The following WASHC2A variants were observed in gnomAD, a reference collection of about 807,000 sequenced individuals.
WASHC2A encodes the protein WASH complex subunit FAM21A.
Under a neutral mutation model 140.3 loss-of-function variants are expected in WASHC2A, and 82 were observed. The ratio of observed to expected loss-of-function variants is 0.58; its 90% confidence interval spans 0.49 to 0.70. WASHC2A has a LOEUF of 0.70. WASHC2A is among the 30% of genes least tolerant of loss of function. The pLI, the probability that WASHC2A is intolerant of heterozygous loss-of-function variation, is 0.00. For synonymous variants in WASHC2A, 340 were observed against 560.8 expected (o/e 0.61, Z 5.56); for missense variants, 985 against 1,521.8 (o/e 0.65, Z 5.87).
chr10:50,068,142 C>G lies in WASHC2A; in HGVS notation c.41C>G (p.Ala14Gly). The change falls in exon 2 of 31, where the codon GCG (alanine) becomes GGG (glycine). Residue 14 changes from alanine to glycine, a missense_variant. Coordinates refer to ENST00000282633, the MANE Select transcript of WASHC2A (RefSeq NM_001005751.3). ...RTTPDQELAP[A>G]SEPVWERPWS... ...ACCCCCGACCAGGAGCTGGCGCCAG[C>G]GTCGGAGCCCGTGTGGGAGCGGCCG... 4 of 1,601,536 alleles carry G rather than the reference C, an allele frequency of 2.5e-6. No homozygotes were observed. The highest frequency in any genetic ancestry group is 3.4e-6 in the Non-Finnish European group (4 of 1,174,640).
chr10:50,070,364 A>G (rs1182929715), intron 3 of WASHC2A, among the ~76,000 whole-genome samples: 2 of 152,220 alleles, frequency 1.3e-5, no homozygotes, highest in East Asian at 1.9e-4. Context: ...TTAAGAGATG[A>G]GGATGGAGAG....
chr10:50,093,387 G>T lies in WASHC2A; in HGVS notation c.1122+1G>T. The T allele has an allele frequency of 1.4e-6, 2 of 1,408,596 alleles. No individual in the cohort carries two copies. Among genetic ancestry groups the T allele is most frequent in the African/African-American group, 2.9e-5 (2 of 70,064 alleles). 87.3% of individuals were successfully genotyped at this position (1,408,596 alleles called of 1,614,324 possible). ...GCTCTTTGATGATGAGGACGAGGAG[G>T]TGAGTCCATGGCACCCAGCAACACT... On this transcript the variant is annotated splice_donor_variant, in intron 12 of 30. Transcript: ENST00000282633. LOFTEE classifies it high-confidence loss of function.
At chr10:50,090,089 A>C (rs1839741355) in intron 8 of WASHC2A, among the ~76,000 whole-genome samples, 1 of 150,974 alleles carries the variant, frequency 6.6e-6, no homozygotes, top group African/African-American at 2.4e-5. Flanking sequence ...CAGCCTGGGC[A>C]AAAAGAGCGA....
At chr10:50,088,617 G>A (rs1165758950) in intron 8 of WASHC2A, among the ~76,000 whole-genome samples, 1 of 134,492 alleles carries the variant, frequency 7.4e-6, no homozygotes, top group Non-Finnish European at 1.6e-5. Flanking sequence ...AGAATGAGGT[G>A]GTATAGAGTT....
chr10:50,075,189 C>T (rs551295919), intron 3 of WASHC2A, among the ~76,000 whole-genome samples: 9 of 151,256 alleles, frequency 6.0e-5, no homozygotes, highest in Non-Finnish European at 1.3e-4. Context: ...TAATAATCTT[C>T]TAATATTAAA....
At chr10:50,088,502 C>G (rs1355237669) in intron 8 of WASHC2A, among the ~76,000 whole-genome samples, 1 of 152,052 alleles carries the variant, frequency 6.6e-6, no homozygotes, top group Non-Finnish European at 1.5e-5. Flanking sequence ...TCAGGCAAAC[C>G]GCCCACTTCG....
At chr10:50,077,109 T>C (rs868955300) in intron 3 of WASHC2A, among the ~76,000 whole-genome samples, 8 of 140,868 alleles carry the variant, frequency 5.7e-5, no homozygotes, top group Admixed American at 1.4e-4. Flanking sequence ...AGAGTGAGAC[T>C]CCATCTCAAA....
At chr10:50,130,722 T>A (rs1317297277) in intron 29 of WASHC2A, among the ~76,000 whole-genome samples, 179 bp from the exon 30 acceptor site, 2 of 152,014 alleles carry the variant, frequency 1.3e-5, no homozygotes, top group Non-Finnish European at 2.9e-5. Flanking sequence ...TGAGCCGGGG[T>A]GAGATGGGCG....
At chr10:50,124,989 A>G (rs1843311484) in intron 23 of WASHC2A, 124 bp from the exon 24 acceptor site, 7 of 1,270,456 alleles carry the variant, frequency 5.5e-6, no homozygotes, top group East Asian at 2.5e-5. Flanking sequence ...GGCTGTGGCC[A>G]GCCTTTTGCT....
chr10:50,076,221 G>A (rs112137267), intron 3 of WASHC2A, among the ~76,000 whole-genome samples: 3,117 of 145,032 alleles, frequency 0.021, 1 homozygote, highest in African/African-American at 0.039. Flanking sequence ...GATTACAGGC[G>A]TGAGCCTCCT....
intron 16 of WASHC2A, 89 bp from the exon 17 acceptor site, chr10:50,099,889 A>T: frequency 8.8e-7 from 1 of 1,141,484 alleles, no homozygotes; most frequent in South Asian, 1.5e-5. Flanking sequence ...TGATTGAGTA[A>T]ACCCTCTTTT....
chr10:50,082,650 G>C (rs1413198714), intron 5 of WASHC2A, among the ~76,000 whole-genome samples: 1 of 149,840 alleles, frequency 6.7e-6, no homozygotes, highest in African/African-American at 2.4e-5. Flanking sequence ...GCTAATTTTT[G>C]TATTTTTTAG....
In WASHC2A at chr10:50,110,216, C is replaced by A; in HGVS notation, c.1985C>A (p.Thr662Asn). 2.5e-6 allele frequency: 4 copies of A among 1,611,804 alleles called. No homozygotes were observed. The highest frequency in any genetic ancestry group is 3.4e-6 in the Non-Finnish European group (4 of 1,179,826). ...CAGGAGGCCAAGGCTGTGAAAAAGA[C>A]CAGTCTCTTTGAGGAAGACGAAGAA... is the stretch of plus-strand genomic sequence containing the variant. ...QSQEAKAVKK[T>N]SLFEEDEEDD... Residue 662 changes from threonine (T) to asparagine (N), a missense_variant, in exon 20 of 31, where the codon ACC becomes AAC. Thr to Asn is a moderately conservative substitution (Grantham distance 65). Coordinates refer to ENST00000282633, the MANE Select transcript of WASHC2A (RefSeq NM_001005751.3).
chr10:50,132,845 A>C lies in WASHC2A; in HGVS notation c.3926A>C (p.Lys1309Thr). 1.2e-6 allele frequency: 2 copies of C among 1,612,018 alleles called. No homozygotes were observed. The highest frequency in any genetic ancestry group is 1.7e-6 in the Non-Finnish European group (2 of 1,179,854). The change falls in exon 31 of 31, where the codon AAA (lysine) becomes ACA (threonine). Residue 1309 changes from lysine (K) to threonine (T), a missense_variant. Physicochemically the swap from Lys to Thr is moderately conservative, Grantham distance 78. Transcript: ENST00000282633. ...TCTGGTATCCAGGCTAAGACAACCA[A>C]ACCAAAAAGCCGATCTGCACAGGCC... The part of the protein sequence containing the change: ...FSSGIQAKTT[K>T]PKSRSAQAAP...
rs1302191874 is a variant in WASHC2A, at chr10:50,112,929, C to T, written c.2040-966C>T. Among the ~76,000 whole-genome samples the T allele has an allele frequency of 3.7e-3, 549 of 149,508 alleles. 6 individuals carry two copies. Among genetic ancestry groups the T allele is most frequent in the African/African-American group, 0.011 (451 of 40,514 alleles). On this transcript the variant is annotated intron_variant, in intron 20 of 30. Transcript: ENST00000282633. ...GGAGAGTGATGGCTCATAGGCATGG[C>T]GGTTCTTTTTGGGGTCATGATAATG...
In WASHC2A at chr10:50,119,632, G is replaced by A; in HGVS notation, c.2341G>A (p.Asp781Asn). The change falls in exon 23 of 31, where the codon GAT becomes AAT. Residue 781 changes from aspartate to asparagine, a missense_variant. Asp to Asn is a conservative substitution (Grantham distance 23). Transcript: ENST00000282633. ...TGCTCAGGAAACAGTCAAGCATTCT[G>A]ATTTATTTTCTTCATCATCCCCATG... ...RSAQETVKHS[D>N]LFSSSSPWDK... The A allele has an allele frequency of 6.4e-7, 1 of 1,556,492 alleles. No homozygotes were observed. The highest frequency in any genetic ancestry group is 1.1e-5 in the South Asian group (1 of 88,700).
At chr10:50,068,732 A>G (rs535944005) in intron 2 of WASHC2A, among the ~76,000 whole-genome samples, 1 of 149,498 alleles carries the variant, frequency 6.7e-6, no homozygotes, top group African/African-American at 2.5e-5. Context: ...GGACTTTTAA[A>G]AGGAGACAGG....
chr10:50,069,503 T>C, intron 2 of WASHC2A, 44 bp from the exon 3 acceptor site: 1 of 1,585,544 alleles, frequency 6.3e-7, no homozygotes, highest in Middle Eastern at 1.7e-4. Flanking sequence ...GCAGAATAGT[T>C]ACATGTAACA....
intron 3 of WASHC2A, among the ~76,000 whole-genome samples, chr10:50,077,611 A>G (rs1399546075): frequency 6.6e-6 from 1 of 152,132 alleles, no homozygotes; most frequent in Non-Finnish European, 1.5e-5. Context: ...CTAATGCCAG[A>G]AGATTTTCAT....
Sources: allele counts gnomAD v4.1 joint callset (sites outside exome capture counted in the v4.1 genomes callset), GRCh38; gene constraint gnomAD v4.1.1; transcripts MANE v1.5; gene names NCBI Gene and HGNC (gene_info 2026-07-23, HGNC 2026-07-21).